TLK2: variants seen among roughly 807,000 people sequenced by gnomAD.
TLK2 encodes serine/threonine-protein kinase tousled-like 2.
Under a neutral mutation model 117.3 loss-of-function variants are expected in TLK2, and 6 were observed. The ratio of observed to expected loss-of-function variants is 0.05; its 90% CI spans 0.03 to 0.10. The LOEUF (loss-of-function observed/expected upper bound fraction) is 0.10, where lower values mean the gene tolerates loss of function less well. Ranked by LOEUF, TLK2 falls within the 10% of genes least tolerant of loss-of-function variation. The pLI, the probability that TLK2 is intolerant of heterozygous loss-of-function variation, is 1.00. For synonymous variants in TLK2, 257 were observed against 316.7 expected, an observed-to-expected ratio of 0.81 and a Z score of 2.00; for missense variants, 299 against 901.2, an observed-to-expected ratio of 0.33 and a Z score of 8.56.
chr17:62,529,709 A>G (rs879017140), intron 6 of TLK2, among the ~76,000 whole-genome samples: 1 of 152,192 alleles, frequency 6.6e-6, no homozygotes, highest in Admixed American at 6.5e-5. Context: ...TATCCTATTT[A>G]CATTCAATAT....
At chr17:62,505,259 T>A (rs576334144) in intron 2 of TLK2, among the ~76,000 whole-genome samples, 4 of 152,130 alleles carry the variant, frequency 2.6e-5, no homozygotes, top group African/African-American at 9.7e-5. Flanking sequence ...AAATTTTGTT[T>A]TAGAGGCAGG....
At chr17:62,573,193 A>G in intron 11 of TLK2, 22 bp from the exon 12 acceptor site, 2 of 1,600,828 alleles carry the variant, frequency 1.2e-6, no homozygotes, top group East Asian at 2.3e-5. Context: ...CTTTCTTTGT[A>G]CAACGTCTTT....
In TLK2 at chr17:62,606,306, C is replaced by G. The variant is rs1598902857; in HGVS notation, c.1971+65C>G. 1.6e-5 allele frequency: 15 copies of G among 937,750 alleles called. No homozygotes were observed. In the East Asian group the frequency reaches 3.6e-4, roughly 22 times the overall value. The allele number at this position is 937,750 out of a possible 1,614,324, so 58.1% of individuals were successfully genotyped here. ...TGGGTGGCACACACACACACAGTGCCTTGGTATGGATTAGTCTATTGGAGT... is the reference window on the plus strand; with the variant it reads ...TGGGTGGCACACACACACACAGTGCGTTGGTATGGATTAGTCTATTGGAGT... On this transcript the variant is annotated intron_variant, in intron 20 of 21. Transcript: ENST00000346027.
chr17:62,483,170 A>C (rs960255109), intron 2 of TLK2, among the ~76,000 whole-genome samples: 3 of 152,152 alleles, frequency 2.0e-5, no homozygotes, highest in African/African-American at 7.2e-5. Flanking sequence ...TAATGTCCAG[A>C]TCTGTCTGTT....
chr17:62,612,555 C>G lies in TLK2; in HGVS notation c.2243C>G (p.Ser748Cys). ...ACCTCTGGGGCGTCCAATAACAGTT[C>G]TTCTAATTGAGACTGACTCCAAGGC... ...ASTSGASNNSSSN is the reference protein window; with the variant it reads ...ASTSGASNNSCSN The change falls in exon 22 of 22, where the codon TCT becomes TGT. Residue 748 changes from serine (S) to cysteine (C), a missense_variant. By Grantham distance (112) the Ser-to-Cys change is moderately radical. This residue lies in a region of TLK2 where 19 missense variants were observed against 29.2 expected (regional missense o/e 0.65). Coordinates refer to ENST00000346027, the MANE Select transcript of TLK2 (RefSeq NM_006852.6). 1 of 1,612,000 alleles carries G rather than the reference C, an allele frequency of 6.2e-7. No homozygotes were observed. The highest frequency in any genetic ancestry group is 8.5e-7 in the Non-Finnish European group (1 of 1,178,892).
At chr17:62,528,195 T>C (rs2076507257) in intron 6 of TLK2, among the ~76,000 whole-genome samples, 1 of 152,158 alleles carries the variant, frequency 6.6e-6, no homozygotes, top group African/African-American at 2.4e-5. Context: ...TCCAAAACAG[T>C]GCTTGGGACA....
Position 62,582,244 on chromosome 17 carries a change from A to AT in TLK2, c.1368+2061dup, listed in dbSNP as rs1010252297. Among the ~76,000 whole-genome samples, 36 of 151,368 alleles carry AT rather than the reference A, an allele frequency of 2.4e-4. No homozygotes were observed. The East Asian group carries it at 4.1e-3, about 17-fold the overall frequency. On this transcript the variant is annotated intron_variant, in intron 15 of 21. Transcript: ENST00000346027. ...TTTCTAGGAAATCTATTTCATTTAG[A>AT]TTTTTTTTTCTTTTTTAATAGAGAC...
intron 11 of TLK2, among the ~76,000 whole-genome samples, chr17:62,569,123 G>A (rs2080054991): frequency 6.6e-6 from 1 of 151,384 alleles, no homozygotes; most frequent in South Asian, 2.1e-4. Flanking sequence ...TGGCCAACAT[G>A]GTGAAACCCC....
chr17:62,568,612 C>G (rs116051256), intron 11 of TLK2, among the ~76,000 whole-genome samples: 7 of 151,862 alleles, frequency 4.6e-5, no homozygotes, highest in Non-Finnish European at 8.8e-5. Context: ...TGAGACGGAG[C>G]CTCACTCTAT....
At chr17:62,574,264 C>A (rs2080565476) in intron 12 of TLK2, 1 of 1,520,528 alleles carries the variant, frequency 6.6e-7, no homozygotes, top group South Asian at 1.2e-5. Flanking sequence ...AATCCTCACC[C>A]CATACATATC....
At chr17:62,563,764 T>C (rs1158362604) in intron 10 of TLK2, among the ~76,000 whole-genome samples, 1 of 152,208 alleles carries the variant, frequency 6.6e-6, no homozygotes, top group African/African-American at 2.4e-5. Context: ...TTAACATTCT[T>C]ACAGTTCATG....
intron 10 of TLK2, among the ~76,000 whole-genome samples, chr17:62,560,688 G>A (rs1280926832): frequency 1.4e-5 from 2 of 144,362 alleles, no homozygotes; most frequent in Non-Finnish European, 3.0e-5. Flanking sequence ...TTGAGGCTGA[G>A]TCTCATCCAG....
intron 7 of TLK2, among the ~76,000 whole-genome samples, chr17:62,539,408 G>C (rs1226917845): frequency 6.6e-6 from 1 of 151,336 alleles, no homozygotes; most frequent in Non-Finnish European, 1.5e-5. Flanking sequence ...CTGAACATTA[G>C]AGTGTTCCAG....
intron 6 of TLK2, among the ~76,000 whole-genome samples, chr17:62,535,130 C>T (rs556647050): frequency 3.7e-4 from 57 of 152,056 alleles, no homozygotes; most frequent in African/African-American, 1.2e-3. Context: ...TCAAGTGATC[C>T]GCCTGCCTTG....
chr17:62,494,341 C>T lies in TLK2; in HGVS notation c.81+13135C>T, dbSNP rs147911702. ...CAAGTGATCCACCCGCCTTGGCCTC[C>T]GAAAGTGCTGGGATTACAAGCATCA... On this transcript the variant is annotated intron_variant, in intron 2 of 21. Transcript: ENST00000346027. 3.3e-3 allele frequency among the ~76,000 whole-genome samples: 499 copies of T among 152,064 alleles called. 3 individuals are homozygous for T. The highest frequency in any genetic ancestry group is 0.011 in the African/African-American group (477 of 41,480).
Position 62,613,737 on chromosome 17 carries a change from G to A in TLK2, c.*1172G>A, listed in dbSNP as rs903917484. 3.3e-5 allele frequency: 5 copies of A among 152,142 alleles called. No individual in the cohort carries two copies. The highest frequency in any genetic ancestry group is 2.1e-4 in the South Asian group (1 of 4,822). 9.4% of individuals were successfully genotyped at this position (152,142 alleles called of 1,614,324 possible). On this transcript the variant is annotated 3_prime_UTR_variant, in exon 22 of 22. Coordinates refer to ENST00000346027, the MANE Select transcript of TLK2 (RefSeq NM_006852.6). ...AGCCTCTGAATTTTGTGGGTGTGTG[G>A]TGGTGTGTGTCTGTGTGTGCATGTA...
rs1331903279 is a variant in TLK2 at position 62,614,463 on chromosome 17, A to G, written c.*1898A>G. ...CAGAAAGGGTAGAGAGCTCTCAAAT[A>G]ACTCATGACTCTAGTGTTCCTTTCA... On this transcript the variant is annotated 3_prime_UTR_variant, in exon 22 of 22. Coordinates refer to ENST00000346027, the MANE Select transcript of TLK2 (RefSeq NM_006852.6). 6.6e-6 allele frequency: 1 copy of G among 152,190 alleles called. No homozygotes were observed. Among genetic ancestry groups the G allele is most frequent in the Non-Finnish European group, 1.5e-5 (1 of 68,050 alleles). The allele number at this position is 152,190 out of a possible 1,614,324, so 9.4% of individuals were successfully genotyped here.
intron 21 of TLK2, among the ~76,000 whole-genome samples, chr17:62,611,168 G>T (rs956547851): frequency 1.3e-5 from 2 of 152,132 alleles, no homozygotes; most frequent in Non-Finnish European, 2.9e-5. Context: ...AGTTTGACCA[G>T]TATTTAAGCC....
chr17:62,598,570 G>A (rs374074479), intron 17 of TLK2, among the ~76,000 whole-genome samples: 33 of 151,796 alleles, frequency 2.2e-4, no homozygotes, highest in African/African-American at 7.0e-4. Context: ...TGTTGCCCAG[G>A]CTGGAGTTCA....
Sources: allele counts gnomAD v4.1 joint callset (sites outside exome capture counted in the v4.1 genomes callset), GRCh38; gene constraint gnomAD v4.1.1; regional missense constraint gnomAD v4.1.1; transcripts MANE v1.5; gene names NCBI Gene and HGNC (gene_info 2026-07-23, HGNC 2026-07-21).